OTUD7B: variants seen among roughly 807,000 people sequenced by gnomAD.
The protein encoded by OTUD7B is OTU deubiquitinase 7B, also known as OTU domain-containing protein 7B.
In OTUD7B, 34 loss-of-function variants were observed where a neutral mutation model predicts 82.2. The observed-to-expected ratio is 0.41, with a 90% CI of 0.31 to 0.55. The LOEUF (loss-of-function observed/expected upper bound fraction) is 0.55. Among genes scored for constraint, OTUD7B ranks in the 20% least tolerant of loss-of-function variants. The probability of loss-of-function intolerance (pLI) is 0.20; values close to 1 mark genes in which losing one functional copy is unlikely to be tolerated. For missense variants in OTUD7B, 944 were observed against 1,062.1 expected, an observed-to-expected ratio of 0.89 and a Z score of 1.55; for synonymous variants, 398 against 402.7, an observed-to-expected ratio of 0.99 and a Z score of 0.14.
chr1:149,992,089 A>C (rs1252943705), intron 1 of OTUD7B, among the ~76,000 whole-genome samples: 1 of 152,022 alleles, frequency 6.6e-6, no homozygotes, highest in African/African-American at 2.4e-5. Flanking sequence ...TTAGCTGGGC[A>C]TGGTGCACAC....
chr1:150,029,513 T>C, the OTUD7B span, among the ~76,000 whole-genome samples: 2 of 152,224 alleles, frequency 1.3e-5, no homozygotes, highest in Non-Finnish European at 2.9e-5. Context: ...TTTAGATTTC[T>C]AGAAGCAATA....
chr1:150,018,619 C>T, the OTUD7B span, among the ~76,000 whole-genome samples: 1 of 152,182 alleles, frequency 6.6e-6, no homozygotes, highest in Non-Finnish European at 1.5e-5. Flanking sequence ...ATGTGTAAAG[C>T]ATGCAAAGAT....
At chr1:149,963,357 T>C (rs1649283782) in intron 6 of OTUD7B, 1 of 152,134 alleles carries the variant, frequency 6.6e-6, no homozygotes, top group Non-Finnish European at 1.5e-5. Flanking sequence ...ATTATTTTTA[T>C]GTAAAGGCAT....
chr1:150,012,839 C>T (rs191958302), upstream of OTUD7B, among the ~76,000 whole-genome samples: 42 of 152,334 alleles, frequency 2.8e-4, 2 homozygotes, highest in East Asian at 7.9e-3. Flanking sequence ...GGCTGCTTGT[C>T]TTTGGTCAGC....
At chr1:149,997,106 T>C (rs1438796714) in intron 1 of OTUD7B, among the ~76,000 whole-genome samples, 4 of 152,204 alleles carry the variant, frequency 2.6e-5, no homozygotes, top group African/African-American at 4.8e-5. Context: ...TAAATAACAG[T>C]GCCAGTCCCT....
chr1:149,947,805 G>A (rs950759904), intron 10 of OTUD7B, among the ~76,000 whole-genome samples: 8 of 152,152 alleles, frequency 5.3e-5, no homozygotes, highest in African/African-American at 1.9e-4. Flanking sequence ...TAAGTGCTAA[G>A]GGAGGAGCTT....
At chr1:150,003,822 A>G (rs781829628) in intron 1 of OTUD7B, among the ~76,000 whole-genome samples, 1 of 152,160 alleles carries the variant, frequency 6.6e-6, no homozygotes, top group Non-Finnish European at 1.5e-5. Flanking sequence ...CAGCTACCAC[A>G]TCTAGGCCAT....
In OTUD7B at chr1:149,960,389, CTTTTTTTCTTT is replaced by C. The variant is rs1649063782; in HGVS notation, c.733-604_733-594del. Among the ~76,000 whole-genome samples the C allele has an allele frequency of 7.3e-4, 3 of 4,122 alleles. 1 individual carries two copies. Among genetic ancestry groups the C allele is most frequent in the African/African-American group, 1.4e-3 (3 of 2,214 alleles). 2.7% of individuals were successfully genotyped at this position (4,122 alleles called of 152,430 possible). A position where few individuals can be genotyped will look rare whatever the true frequency, so the allele number is the denominator to read the frequency against. ...ATTTCTTTTCTTTTTCTTTTCTTTCCTTTTTTTCTTTTTTTTTTTTTTGTAGACAGAGTCAC... is the reference window on the plus strand; with the variant it reads ...ATTTCTTTTCTTTTTCTTTTCTTTCCTTTTTTTTTTTGTAGACAGAGTCAC... On this transcript the variant is annotated intron_variant, in intron 6 of 11. Transcript: ENST00000581312.
chr1:149,984,232 C>T (rs1165222622), intron 1 of OTUD7B, among the ~76,000 whole-genome samples: 1 of 71,472 alleles, frequency 1.4e-5, no homozygotes, highest in Non-Finnish European at 2.7e-5. Flanking sequence ...ACCTTGCCTC[C>T]TACTTCACAG....
intron 6 of OTUD7B, 167 bp downstream of exon 6, chr1:149,964,055 A>T (rs1649345881): frequency 4.4e-6 from 3 of 688,634 alleles, no homozygotes; most frequent in Admixed American, 2.8e-5. Flanking sequence ...CCACATCAGA[A>T]GGCATTTACC....
At chr1:149,970,445 A>G (rs1649837320) in intron 3 of OTUD7B, among the ~76,000 whole-genome samples, 1 of 151,834 alleles carries the variant, frequency 6.6e-6, no homozygotes, top group South Asian at 2.1e-4. Flanking sequence ...CAGCCTCCCA[A>G]GTAGCTGGGA....
chr1:149,957,136 C>CCCACTTGAGGAGGCAGTCTGTCCG (rs1559833980), intron 7 of OTUD7B, among the ~76,000 whole-genome samples: 44 of 151,944 alleles, frequency 2.9e-4, no homozygotes, highest in African/African-American at 9.7e-4. Context: ...GAATTTTCAG[C>CCCACTTGAGGAGGCAGTCTGTCCG]TTTTCTGCTC....
At chr1:149,997,272 A>T (rs587615076) in intron 1 of OTUD7B, among the ~76,000 whole-genome samples, 8 of 152,350 alleles carry the variant, frequency 5.3e-5, no homozygotes, top group African/African-American at 1.9e-4. Flanking sequence ...TATGTATTTT[A>T]AAAGCAAATA....
At chr1:149,960,092 G>A (rs1201930288) in intron 6 of OTUD7B, among the ~76,000 whole-genome samples, 1 of 151,962 alleles carries the variant, frequency 6.6e-6, no homozygotes, top group Non-Finnish European at 1.5e-5. Flanking sequence ...CCTGATTTTG[G>A]CAAAGAACAA....
the OTUD7B span, among the ~76,000 whole-genome samples, chr1:150,047,022 G>A: frequency 6.6e-6 from 1 of 152,080 alleles, no homozygotes; most frequent in Non-Finnish European, 1.5e-5. Context: ...AGTGAGCCAA[G>A]ATCATGCCAC....
At position 149,952,103 on chromosome 1, in the gene OTUD7B, G is replaced by A. The variant is rs778708765; in HGVS notation, c.846-1882C>T. Reference sequence around the variant, plus strand: ...CTAGGGTACATGTGCACAATGTGCAGGTTTGTTACATAAGTATACATATGC... The same window carrying A: ...CTAGGGTACATGTGCACAATGTGCAAGTTTGTTACATAAGTATACATATGC... On this transcript the variant is annotated intron_variant, in intron 7 of 11. Coordinates refer to ENST00000581312, the MANE Select transcript of OTUD7B (RefSeq NM_020205.4). Among the ~76,000 whole-genome samples the A allele has an allele frequency of 2.9e-4, 44 of 152,022 alleles. 2 individuals carry two copies. Among genetic ancestry groups the A allele is most frequent in the Middle Eastern group, 6.8e-3 (2 of 294 alleles).
chr1:150,030,251 G>T, the OTUD7B span, among the ~76,000 whole-genome samples: 1 of 152,030 alleles, frequency 6.6e-6, no homozygotes, highest in African/African-American at 2.4e-5. Context: ...TTAGAAAATT[G>T]AGGCCTTGGT....
At chr1:150,063,668 A>G in the OTUD7B span, among the ~76,000 whole-genome samples, 4 of 152,328 alleles carry the variant, frequency 2.6e-5, no homozygotes, top group South Asian at 8.3e-4. Context: ...GCTATTATCA[A>G]TTTACCTACT....
the OTUD7B span, among the ~76,000 whole-genome samples, chr1:150,028,734 A>C: frequency 6.6e-6 from 1 of 152,166 alleles, no homozygotes; most frequent in Non-Finnish European, 1.5e-5. Context: ...GCAATGGCAC[A>C]GTCTCAGCTC....
Sources: allele counts gnomAD v4.1 joint callset (sites outside exome capture counted in the v4.1 genomes callset), GRCh38; gene constraint gnomAD v4.1.1; transcripts MANE v1.5; gene names NCBI Gene and HGNC (gene_info 2026-07-23, HGNC 2026-07-21).